The following LRRC1 variants were observed in gnomAD, a reference collection of about 807,000 sequenced individuals.
LRRC1 encodes leucine-rich repeat-containing protein 1.
In LRRC1, 28 loss-of-function variants were observed where a neutral mutation model predicts 69.9. That is an observed-to-expected ratio of 0.40 (90% CI 0.30 to 0.55). LRRC1 has a LOEUF of 0.55. LRRC1 is among the 20% of genes least tolerant of loss of function. The pLI, the probability that LRRC1 is intolerant of heterozygous loss-of-function variation, is 0.47. For synonymous variants in LRRC1, 236 were observed against 240.2 expected, an observed-to-expected ratio of 0.98 and a Z score of 0.16; for missense variants, 498 against 609.0, an observed-to-expected ratio of 0.82 and a Z score of 1.92.
At chr6:53,882,272 C>T (rs778949293) in intron 3 of LRRC1, among the ~76,000 whole-genome samples, 5 of 152,176 alleles carry the variant, frequency 3.3e-5, no homozygotes, top group African/African-American at 7.2e-5. Context: ...CGCTTGAACC[C>T]GGGAGGCGGA....
intron 2 of LRRC1, among the ~76,000 whole-genome samples, chr6:53,867,782 C>T (rs991459574): frequency 7.9e-5 from 12 of 151,860 alleles, no homozygotes; most frequent in African/African-American, 2.4e-4. Flanking sequence ...TAGTGAGACC[C>T]TGTCTCTACA....
intron 13 of LRRC1, 115 bp downstream of exon 13, chr6:53,920,876 C>T: frequency 1.6e-6 from 2 of 1,212,230 alleles, no homozygotes; most frequent in South Asian, 1.5e-5. Flanking sequence ...TTGCCTTCAG[C>T]ATTTAGGAAT....
chr6:53,816,641 A>G (rs1452206312), intron 1 of LRRC1, among the ~76,000 whole-genome samples: 1 of 152,196 alleles, frequency 6.6e-6, no homozygotes, highest in Non-Finnish European at 1.5e-5. Context: ...TATAAATCAC[A>G]GGTTAAAGTT....
At chr6:53,896,962 C>A in intron 6 of LRRC1, 70 bp downstream of exon 6, 1 of 971,406 alleles carries the variant, frequency 1.0e-6, no homozygotes, top group Non-Finnish European at 1.6e-6. Flanking sequence ...TGGGGGAGTT[C>A]TATAGGGATC....
At chr6:53,807,741 G>A (rs1331572226) in intron 1 of LRRC1, among the ~76,000 whole-genome samples, 13 of 107,666 alleles carry the variant, frequency 1.2e-4, no homozygotes, top group African/African-American at 3.4e-4. Context: ...GTGAAACTCC[G>A]TGTCGTCAAC....
intron 2 of LRRC1, among the ~76,000 whole-genome samples, chr6:53,875,480 G>C (rs1292059267): frequency 6.6e-6 from 1 of 151,730 alleles, no homozygotes; most frequent in Non-Finnish European, 1.5e-5. Flanking sequence ...GTGTGTGTGT[G>C]ACAAGTAAAA....
intron 2 of LRRC1, among the ~76,000 whole-genome samples, chr6:53,871,459 C>G (rs558653962): frequency 1.3e-5 from 2 of 152,132 alleles, no homozygotes; most frequent in Admixed American, 6.5e-5. Context: ...TCATTCAGAT[C>G]AGATCTTATG....
At chr6:53,830,088 A>T (rs1172735236) in intron 1 of LRRC1, among the ~76,000 whole-genome samples, 1 of 152,192 alleles carries the variant, frequency 6.6e-6, no homozygotes, top group African/African-American at 2.4e-5. Flanking sequence ...CTGTCCTTAG[A>T]TGCTGTGGTA....
chr6:53,809,598 T>C lies in LRRC1; in HGVS notation c.159+14183T>C, dbSNP rs113736235. Among the ~76,000 whole-genome samples, 1,259 of 152,350 alleles carry C rather than the reference T, an allele frequency of 8.3e-3. 12 individuals carry two copies. The highest frequency in any genetic ancestry group is 0.028 in the African/African-American group (1,148 of 41,576). Reference sequence around the variant, plus strand: ...GGTAAGGTAAATACAGCAGAAGATATTTACTTGTGTACTTTATTTAGTTTT... The same window carrying C: ...GGTAAGGTAAATACAGCAGAAGATACTTACTTGTGTACTTTATTTAGTTTT... On this transcript the variant is annotated intron_variant, in intron 1 of 13. Coordinates refer to ENST00000370888, the MANE Select transcript of LRRC1 (RefSeq NM_018214.5).
At chr6:53,913,742 G>A in intron 10 of LRRC1, 112 bp from the exon 11 acceptor site, 2 of 556,036 alleles carry the variant, frequency 3.6e-6, no homozygotes, top group Non-Finnish European at 6.4e-6. Flanking sequence ...GGTGAGTTAT[G>A]TGGTATAAGT....
At chr6:53,804,327 G>C (rs1764576737) in intron 1 of LRRC1, among the ~76,000 whole-genome samples, 1 of 152,046 alleles carries the variant, frequency 6.6e-6, no homozygotes, top group Non-Finnish European at 1.5e-5. Flanking sequence ...TACATTGTGG[G>C]ATGATCAAAT....
intron 2 of LRRC1, among the ~76,000 whole-genome samples, chr6:53,871,155 G>C (rs528471706): frequency 6.6e-6 from 1 of 152,226 alleles, no homozygotes; most frequent in South Asian, 2.1e-4. Flanking sequence ...TATGTATCTG[G>C]TAGTGGGATT....
At chr6:53,874,323 C>T (rs1186746014) in intron 2 of LRRC1, among the ~76,000 whole-genome samples, 1 of 151,828 alleles carries the variant, frequency 6.6e-6, no homozygotes, top group African/African-American at 2.4e-5. Flanking sequence ...AAATCTATTC[C>T]AGATTCAACT....
intron 2 of LRRC1, among the ~76,000 whole-genome samples, chr6:53,849,263 C>T (rs1212196018): frequency 2.0e-5 from 3 of 152,280 alleles, no homozygotes; most frequent in South Asian, 2.1e-4. Context: ...GTACATGCTA[C>T]GCTCTGTGTT....
intron 4 of LRRC1, among the ~76,000 whole-genome samples, 168 bp from the exon 5 acceptor site, chr6:53,896,330 T>C (rs1023847458): frequency 2.0e-5 from 3 of 152,186 alleles, no homozygotes; most frequent in Non-Finnish European, 4.4e-5. Flanking sequence ...GATGGTATTG[T>C]TTTTAATGGG....
chr6:53,865,258 A>C (rs546802910), intron 2 of LRRC1, among the ~76,000 whole-genome samples: 2 of 152,244 alleles, frequency 1.3e-5, no homozygotes, highest in East Asian at 3.9e-4. Context: ...TAAATATAGA[A>C]GGTGATCAGT....
At chr6:53,914,258 A>G (rs945056443) in intron 11 of LRRC1, among the ~76,000 whole-genome samples, 3 of 152,034 alleles carry the variant, frequency 2.0e-5, no homozygotes, top group Non-Finnish European at 4.4e-5. Flanking sequence ...AAGAGCACTG[A>G]CCTGAGAATG....
At chr6:53,834,078 G>A (rs1765539394) in intron 1 of LRRC1, among the ~76,000 whole-genome samples, 1 of 152,186 alleles carries the variant, frequency 6.6e-6, no homozygotes, top group African/African-American at 2.4e-5. Context: ...ACTAGACCTA[G>A]CTGAGCCTTT....
intron 10 of LRRC1, 104 bp from the exon 11 acceptor site, chr6:53,913,750 A>G (rs1174979234): frequency 3.2e-6 from 2 of 622,132 alleles, no homozygotes; most frequent in Non-Finnish European, 5.6e-6. Flanking sequence ...ATGTGGTATA[A>G]GTTTATGCAT....
Sources: allele counts gnomAD v4.1 joint callset (sites outside exome capture counted in the v4.1 genomes callset), GRCh38; gene constraint gnomAD v4.1.1; transcripts MANE v1.5; gene names NCBI Gene and HGNC (gene_info 2026-07-23, HGNC 2026-07-21).